The following NPAS3 variants were observed in gnomAD, a reference collection of about 807,000 sequenced individuals.
NPAS3 encodes neuronal PAS domain-containing protein 3.
NPAS3 carries 14 observed loss-of-function variants against 73.1 expected under a neutral mutation model. The observed-to-expected ratio is 0.19, with a 90% CI of 0.13 to 0.30. The LOEUF (loss-of-function observed/expected upper bound fraction) is 0.30, where lower values mean the gene tolerates loss of function less well. Among genes scored for constraint, NPAS3 ranks in the 10% least tolerant of loss-of-function variants. The pLI is 1.00. For synonymous variants in NPAS3, 620 were observed against 541.5 expected (o/e 1.14, Z -2.01); for missense variants, 1,096 against 1,250.0 (o/e 0.88, Z 1.86).
At chr14:33,673,259 A>G (rs1337829852) in intron 5 of NPAS3, among the ~76,000 whole-genome samples, 1 of 152,250 alleles carries the variant, frequency 6.6e-6, no homozygotes, top group Non-Finnish European at 1.5e-5. Context: ...TAATAGGTCA[A>G]GTGGGCTCTG....
intron 7 of NPAS3, among the ~76,000 whole-genome samples, chr14:33,744,364 G>C (rs1482038640): frequency 6.6e-6 from 1 of 152,178 alleles, no homozygotes; most frequent in African/African-American, 2.4e-5. Context: ...CATTGGAGCA[G>C]TCAGAACACA....
intron 1 of NPAS3, among the ~76,000 whole-genome samples, chr14:33,050,421 T>G (rs1228330049): frequency 6.6e-6 from 1 of 152,170 alleles, no homozygotes; most frequent in Non-Finnish European, 1.5e-5. Context: ...CTCTGGAGGA[T>G]CTAGTTCCTT....
chr14:33,059,789 C>G (rs1379011848), intron 2 of NPAS3, among the ~76,000 whole-genome samples: 2 of 152,226 alleles, frequency 1.3e-5, no homozygotes, highest in Non-Finnish European at 2.9e-5. Flanking sequence ...CCCTTCCATA[C>G]TAACTATAAC....
rs186341422 is a variant in NPAS3, at chr14:33,009,961, T to G, written c.51-45944T>G. On this transcript the variant is annotated intron_variant, in intron 1 of 11. Transcript: ENST00000356141. Reference sequence around the variant, plus strand: ...CACTGGACAGTGTAATCTTCAAGATTCATTGCATTCGTTCCACGATTCAGT... The same window carrying G: ...CACTGGACAGTGTAATCTTCAAGATGCATTGCATTCGTTCCACGATTCAGT... Among the ~76,000 whole-genome samples the G allele has an allele frequency of 2.2e-4, 34 of 152,328 alleles. No individual in the cohort carries two copies. In the East Asian group the frequency reaches 6.0e-3, roughly 27 times the overall value.
chr14:33,480,593 C>T (rs190084684), intron 4 of NPAS3, among the ~76,000 whole-genome samples: 1,124 of 97,042 alleles, frequency 0.012, 20 homozygotes, highest in African/African-American at 0.059. Context: ...CTCCCTTTCT[C>T]CCACCTGTCC....
intron 4 of NPAS3, among the ~76,000 whole-genome samples, chr14:33,411,364 G>T (rs373603882): frequency 2.0e-5 from 3 of 152,128 alleles, no homozygotes; most frequent in East Asian, 3.9e-4. Context: ...TGTATTTTTA[G>T]TAGAGACAGG....
intron 3 of NPAS3, among the ~76,000 whole-genome samples, chr14:33,321,640 C>T (rs2043453083): frequency 6.6e-6 from 1 of 151,934 alleles, no homozygotes; most frequent in Non-Finnish European, 1.5e-5. Flanking sequence ...AGGTCTTAGC[C>T]TCAGTTCCTC....
At chr14:33,490,171 T>G (rs963926573) in intron 4 of NPAS3, among the ~76,000 whole-genome samples, 1 of 152,160 alleles carries the variant, frequency 6.6e-6, no homozygotes, top group Non-Finnish European at 1.5e-5. Context: ...ACTTACCCTG[T>G]ATTCGTTTCA....
At position 33,186,224 on chromosome 14, in the gene NPAS3, A is replaced by G. The variant is rs562601216; in HGVS notation, c.141-28958A>G. The stretch of plus-strand genomic sequence containing the variant: ...TTTAAGTTACATTTTGTTTAACTCT[A>G]TCTCTGCAGTATAAGTACACTCTGG... On this transcript the variant is annotated intron_variant, in intron 2 of 11. Coordinates refer to ENST00000356141, the Ensembl canonical transcript of NPAS3. Among the ~76,000 whole-genome samples, 5 of 152,326 alleles carry G rather than the reference A, an allele frequency of 3.3e-5. No homozygotes were observed. The South Asian group carries it at 6.2e-4, about 19-fold the overall frequency.
chr14:33,341,474 CTG>C (rs2044476800), intron 3 of NPAS3, among the ~76,000 whole-genome samples: 1 of 151,734 alleles, frequency 6.6e-6, no homozygotes, highest in African/African-American at 2.4e-5. Flanking sequence ...TTAAACCAAA[CTG>C]TGTAGGCCAT....
intron 2 of NPAS3, among the ~76,000 whole-genome samples, chr14:33,198,422 C>G (rs147148709): frequency 2.6e-5 from 4 of 152,304 alleles, no homozygotes; most frequent in African/African-American, 9.6e-5. Context: ...AATTCCTGAG[C>G]TAGACACAGA....
chr14:33,023,102 AG>A (rs2039670206), intron 1 of NPAS3, among the ~76,000 whole-genome samples: 1 of 151,914 alleles, frequency 6.6e-6, no homozygotes, highest in Admixed American at 6.6e-5. Flanking sequence ...TAAAAAAAAA[AG>A]AAAAGAGGCC....
chr14:33,640,595 T>C (rs1054495866), intron 5 of NPAS3, among the ~76,000 whole-genome samples: 29 of 152,224 alleles, frequency 1.9e-4, no homozygotes, highest in Non-Finnish European at 3.8e-4. Context: ...AAATTGATCA[T>C]GAAAATTTAA....
chr14:33,054,881 T>G (rs1595343201), intron 1 of NPAS3, among the ~76,000 whole-genome samples: 2 of 152,236 alleles, frequency 1.3e-5, no homozygotes, highest in African/African-American at 4.8e-5. Flanking sequence ...CAAAGTGCTG[T>G]GATTACAGGC....
chr14:33,056,056 C>T (rs2040876051), intron 2 of NPAS3, 62 bp downstream of exon 2: 1 of 718,890 alleles, frequency 1.4e-6, no homozygotes, highest in Non-Finnish European at 2.5e-6. Context: ...TGGTTGCCAG[C>T]TATTCAAAAA....
At chr14:33,053,961 A>G (rs972185045) in intron 1 of NPAS3, among the ~76,000 whole-genome samples, 1 of 152,230 alleles carries the variant, frequency 6.6e-6, no homozygotes, top group African/African-American at 2.4e-5. Flanking sequence ...AATCAATTTT[A>G]AAGCATAAAA....
intron 5 of NPAS3, among the ~76,000 whole-genome samples, chr14:33,570,692 G>T (rs1229547330): frequency 6.6e-6 from 1 of 152,160 alleles, no homozygotes; most frequent in East Asian, 1.9e-4. Context: ...CTGCAACCTT[G>T]GCTGTAGCAT....
chr14:33,161,640 G>A (rs2044889119), intron 2 of NPAS3, among the ~76,000 whole-genome samples: 1 of 152,206 alleles, frequency 6.6e-6, no homozygotes, highest in Non-Finnish European at 1.5e-5. Flanking sequence ...AGCTCACGAT[G>A]GCTTCCTCCA....
intron 5 of NPAS3, among the ~76,000 whole-genome samples, chr14:33,586,973 G>T (rs1014005869): frequency 5.9e-4 from 90 of 152,152 alleles, no homozygotes; most frequent in African/African-American, 2.1e-3. Context: ...TGAGAGTTCC[G>T]TGATAATCCG....
Sources: allele counts gnomAD v4.1 joint callset (sites outside exome capture counted in the v4.1 genomes callset), GRCh38; gene constraint gnomAD v4.1.1; transcripts MANE v1.5; gene names NCBI Gene and HGNC (gene_info 2026-07-23, HGNC 2026-07-21).